Variants in SYT1 observed in about 807,000 individuals in gnomAD.
SYT1 encodes synaptotagmin-1.
A neutral mutation model predicts 44.8 loss-of-function variants in SYT1; 8 were observed. The observed-to-expected ratio is 0.18, with a 90% CI of 0.10 to 0.32. SYT1 has a LOEUF of 0.32. Among genes scored for constraint, SYT1 ranks in the 10% least tolerant of loss-of-function variants. SYT1 has a pLI of 1.00. For synonymous variants in SYT1, 154 were observed against 188.8 expected (o/e 0.82, Z 1.51); for missense variants, 286 against 509.3 (o/e 0.56, Z 4.22).
At chr12:79,233,474 A>G (rs146258896) in intron 4 of SYT1, among the ~76,000 whole-genome samples, 6 of 152,204 alleles carry the variant, frequency 3.9e-5, no homozygotes, top group Admixed American at 6.5e-5. Flanking sequence ...GTTTCACCCT[A>G]TCAGGCACAC....
At chr12:79,078,543 A>G (rs1342090248) in intron 3 of SYT1, among the ~76,000 whole-genome samples, 4 of 151,554 alleles carry the variant, frequency 2.6e-5, no homozygotes, top group African/African-American at 9.7e-5. Context: ...TTTTTCTTCA[A>G]CTTTTAAAAT....
At chr12:79,335,962 C>G (rs1882073180) in intron 8 of SYT1, among the ~76,000 whole-genome samples, 2 of 152,170 alleles carry the variant, frequency 1.3e-5, no homozygotes, top group Non-Finnish European at 2.9e-5. Context: ...GTTAATGAAA[C>G]TTTACTACAT....
chr12:78,969,012 G>A (rs777448797), intron 1 of SYT1, among the ~76,000 whole-genome samples: 4 of 152,138 alleles, frequency 2.6e-5, no homozygotes, highest in African/African-American at 4.8e-5. Flanking sequence ...TGACCCTTCT[G>A]TATCCACAGG....
At chr12:79,388,174 G>C (rs1884510191) in intron 9 of SYT1, among the ~76,000 whole-genome samples, 1 of 152,160 alleles carries the variant, frequency 6.6e-6, no homozygotes, top group South Asian at 2.1e-4. Context: ...ATTTAAACCT[G>C]TGTGTGTATA....
chr12:79,353,058 T>G, intron 8 of SYT1, among the ~76,000 whole-genome samples: 1 of 152,188 alleles, frequency 6.6e-6, no homozygotes, highest in East Asian at 1.9e-4. Flanking sequence ...CCTAGAGTAT[T>G]AGAGGTAATC....
chr12:78,998,984 G>C (rs966943571), intron 2 of SYT1, among the ~76,000 whole-genome samples: 3 of 152,130 alleles, frequency 2.0e-5, no homozygotes, highest in Admixed American at 6.5e-5. Flanking sequence ...GTGAAATAAA[G>C]CGTGGTGATA....
chr12:79,226,178 T>G (rs201104743), intron 4 of SYT1, among the ~76,000 whole-genome samples: 1 of 13,960 alleles, frequency 7.2e-5, no homozygotes, highest in Non-Finnish European at 1.6e-4. Context: ...AAATCATACA[T>G]TTTAAATTTC....
chr12:79,216,137 G>A (rs1320121490), intron 3 of SYT1, among the ~76,000 whole-genome samples: 1 of 151,622 alleles, frequency 6.6e-6, no homozygotes, highest in Non-Finnish European at 1.5e-5. Context: ...CTTCATGTTG[G>A]CCAGGCTGGT....
At chr12:79,366,713 A>G (rs1287935332) in intron 9 of SYT1, among the ~76,000 whole-genome samples, 2 of 152,220 alleles carry the variant, frequency 1.3e-5, no homozygotes, top group Non-Finnish European at 2.9e-5. Context: ...AGGGTATTAG[A>G]GACAGCCATA....
intron 3 of SYT1, among the ~76,000 whole-genome samples, chr12:79,085,960 G>A (rs531328173): frequency 6.6e-6 from 1 of 152,090 alleles, no homozygotes; most frequent in South Asian, 2.1e-4. Context: ...AGAAAATTGA[G>A]GGTCCCATAA....
chr12:79,449,156 T>C lies in SYT1; in HGVS notation c.*32T>C, dbSNP rs1205613073. ...GAAGAAGCCTTTCTGCATTTGCCCA[T>C]ATAGTGCTCTTTAGCCAGTATCTGT... On this transcript the variant is annotated 3_prime_UTR_variant, in exon 11 of 11. Coordinates refer to ENST00000261205, the MANE Select transcript of SYT1 (RefSeq NM_005639.3). 1.3e-6 allele frequency: 2 copies of C among 1,566,782 alleles called. No individual in the cohort carries two copies. Among genetic ancestry groups the C allele is most frequent in the Non-Finnish European group, 1.7e-6 (2 of 1,154,668 alleles).
intron 3 of SYT1, among the ~76,000 whole-genome samples, chr12:79,096,841 T>G (rs1165260382): frequency 6.6e-6 from 1 of 151,986 alleles, no homozygotes; most frequent in Non-Finnish European, 1.5e-5. Flanking sequence ...AAAAGTCCAT[T>G]GCCATATTCA....
At chr12:79,320,752 AGCTTGGACTATAG>A (rs1881319555) in intron 8 of SYT1, among the ~76,000 whole-genome samples, 1 of 144,162 alleles carries the variant, frequency 6.9e-6, no homozygotes, top group African/African-American at 2.6e-5. Flanking sequence ...CCTCCCAAGT[AGCTTGGACTATAG>A]GCATGTTCCA....
intron 2 of SYT1, among the ~76,000 whole-genome samples, chr12:79,031,467 A>C (rs950450850): frequency 6.6e-6 from 1 of 151,254 alleles, no homozygotes; most frequent in South Asian, 2.1e-4. Flanking sequence ...ACGACCTCTC[A>C]GGTTTGTGGA....
chr12:79,403,280 G>C (rs1885133139), intron 9 of SYT1, among the ~76,000 whole-genome samples: 1 of 152,152 alleles, frequency 6.6e-6, no homozygotes, highest in Non-Finnish European at 1.5e-5. Context: ...AGTTGGGAGA[G>C]AGGGAGAAAG....
intron 1 of SYT1, among the ~76,000 whole-genome samples, chr12:78,925,552 A>G (rs12582147): frequency 0.079 from 11,944 of 151,958 alleles, 541 homozygotes; most frequent in East Asian, 0.18. Flanking sequence ...TTTTTAAAGT[A>G]TGTATGTGAA....
intron 4 of SYT1, among the ~76,000 whole-genome samples, chr12:79,249,311 A>G (rs1010276674): frequency 2.0e-5 from 3 of 150,834 alleles, no homozygotes; most frequent in African/African-American, 7.3e-5. Flanking sequence ...TCACCTTGTT[A>G]GCCAGGATGG....
intron 3 of SYT1, among the ~76,000 whole-genome samples, chr12:79,174,377 A>T (rs1592818265): frequency 6.6e-6 from 1 of 151,402 alleles, no homozygotes; most frequent in Non-Finnish European, 1.5e-5. Flanking sequence ...GTATTGGCTG[A>T]TAAATAATAT....
chr12:79,206,182 C>G (rs1874114807), intron 3 of SYT1, among the ~76,000 whole-genome samples: 1 of 152,110 alleles, frequency 6.6e-6, no homozygotes, highest in Non-Finnish European at 1.5e-5. Context: ...TAATGAATTT[C>G]TAAAATTTCT....
Sources: allele counts gnomAD v4.1 joint callset (sites outside exome capture counted in the v4.1 genomes callset), GRCh38; gene constraint gnomAD v4.1.1; transcripts MANE v1.5; gene names NCBI Gene and HGNC (gene_info 2026-07-23, HGNC 2026-07-21).